NCALD: variants seen among roughly 807,000 people sequenced by gnomAD.
NCALD encodes neurocalcin-delta.
Under a neutral mutation model 18.6 loss-of-function variants are expected in NCALD, and 10 were observed. That is an observed-to-expected ratio of 0.54 (90% CI 0.33 to 0.91). The LOEUF is 0.91. Ranked by LOEUF, NCALD falls within the 40% of genes least tolerant of loss-of-function variation. NCALD has a pLI of 0.03. For missense variants in NCALD, 184 were observed against 247.6 expected, an observed-to-expected ratio of 0.74 and a Z score of 1.72; for synonymous variants, 88 against 87.4, an observed-to-expected ratio of 1.01 and a Z score of -0.04.
chr8:101,797,195 T>C (rs893314567), intron 4 of NCALD, among the ~76,000 whole-genome samples: 65 of 152,350 alleles, frequency 4.3e-4, no homozygotes, highest in African/African-American at 1.3e-3. Context: ...CAAAATAAAC[T>C]TTCTAAATTA....
intron 2 of NCALD, among the ~76,000 whole-genome samples, chr8:102,008,201 G>A (rs1402593289): frequency 6.6e-6 from 1 of 152,092 alleles, no homozygotes; most frequent in Non-Finnish European, 1.5e-5. Context: ...AAATAAATAA[G>A]AGGACCTCCA....
chr8:101,691,629 C>A, intron 3 of NCALD: 1 of 985,352 alleles, frequency 1.0e-6, no homozygotes, highest in Non-Finnish European at 1.2e-6. Context: ...TTAGTCACAA[C>A]TATTCATTGT....
intron 3 of NCALD, among the ~76,000 whole-genome samples, chr8:101,914,674 T>C (rs1279946931): frequency 1.3e-5 from 2 of 152,240 alleles, no homozygotes; most frequent in Admixed American, 6.5e-5. Flanking sequence ...TTCCTTTCTT[T>C]GCTCAAATTT....
At chr8:101,798,580 C>T (rs998835464) in intron 4 of NCALD, among the ~76,000 whole-genome samples, 6 of 152,080 alleles carry the variant, frequency 3.9e-5, no homozygotes, top group African/African-American at 1.4e-4. Context: ...TATCAACTAA[C>T]CTCTAACTGA....
At chr8:101,831,698 C>T (rs1361478655) in intron 4 of NCALD, among the ~76,000 whole-genome samples, 2 of 152,086 alleles carry the variant, frequency 1.3e-5, no homozygotes, top group Non-Finnish European at 2.9e-5. Flanking sequence ...TTTCCTGTGC[C>T]CCCAGCATCT....
At chr8:101,716,452 A>T (rs1816090284) in intron 2 of NCALD, among the ~76,000 whole-genome samples, 1 of 152,236 alleles carries the variant, frequency 6.6e-6, no homozygotes, top group Non-Finnish European at 1.5e-5. Flanking sequence ...CATGTATTTC[A>T]GAACTTCAAG....
At chr8:101,856,851 G>A (rs1017530961) in intron 4 of NCALD, among the ~76,000 whole-genome samples, 21 of 152,066 alleles carry the variant, frequency 1.4e-4, no homozygotes, top group African/African-American at 5.1e-4. Flanking sequence ...GACTCCTTCT[G>A]CTCCTGGCAA....
chr8:101,884,724 G>A (rs955846778), intron 4 of NCALD, among the ~76,000 whole-genome samples: 15 of 136,898 alleles, frequency 1.1e-4, no homozygotes, highest in Non-Finnish European at 1.9e-4. Context: ...GTTTTTCACC[G>A]AATTTATTAG....
At chr8:102,028,730 G>A (rs757558793) in intron 1 of NCALD, among the ~76,000 whole-genome samples, 8 of 152,236 alleles carry the variant, frequency 5.3e-5, no homozygotes, top group African/African-American at 1.4e-4. Context: ...CTTGTGCTAA[G>A]TGACCAGAAA....
At chr8:101,703,820 A>T (rs1306025627) in intron 2 of NCALD, among the ~76,000 whole-genome samples, 1 of 152,198 alleles carries the variant, frequency 6.6e-6, no homozygotes, top group Non-Finnish European at 1.5e-5. Flanking sequence ...GAGCTGTGGC[A>T]GGTCTCCCTC....
intron 4 of NCALD, among the ~76,000 whole-genome samples, chr8:101,836,620 A>G (rs976150489): frequency 1.3e-5 from 2 of 152,224 alleles, no homozygotes; most frequent in African/African-American, 4.8e-5. Context: ...AAAGGATTTT[A>G]TGGCTAAACA....
chr8:101,889,663 A>G (rs1816801333), intron 3 of NCALD, among the ~76,000 whole-genome samples: 1 of 152,236 alleles, frequency 6.6e-6, no homozygotes, highest in Admixed American at 6.5e-5. Flanking sequence ...CCTTGGCTAC[A>G]GCAAAGGAAA....
At chr8:101,948,513 C>T (rs139293839) in intron 2 of NCALD, among the ~76,000 whole-genome samples, 27 of 152,250 alleles carry the variant, frequency 1.8e-4, no homozygotes, top group African/African-American at 6.3e-4. Context: ...CTCTGGGAAC[C>T]AGGAGGGAGA....
intron 1 of NCALD, among the ~76,000 whole-genome samples, chr8:102,123,109 C>A (rs583374): frequency 0.99 from 151,498 of 152,362 alleles, 75,340 homozygotes; most frequent in Middle Eastern, 1. Flanking sequence ...AGCATTTCCA[C>A]TTAGGTCTGA....
chr8:102,037,860 C>T (rs1822924436), intron 1 of NCALD, among the ~76,000 whole-genome samples: 1 of 152,042 alleles, frequency 6.6e-6, no homozygotes, highest in Non-Finnish European at 1.5e-5. Flanking sequence ...ATGAAGAAAA[C>T]AAAAGAGTAA....
chr8:101,888,179 C>G (rs1816742760), intron 3 of NCALD, among the ~76,000 whole-genome samples: 1 of 152,074 alleles, frequency 6.6e-6, no homozygotes, highest in Non-Finnish European at 1.5e-5. Context: ...AAACATCACA[C>G]AGAGAGACAT....
chr8:101,939,824 C>G (rs946109631), intron 2 of NCALD, among the ~76,000 whole-genome samples: 4 of 152,128 alleles, frequency 2.6e-5, no homozygotes, highest in African/African-American at 9.7e-5. Flanking sequence ...TTTGATCCTC[C>G]CAACAATTCC....
At chr8:101,820,549 G>A (rs1041572718) in intron 4 of NCALD, among the ~76,000 whole-genome samples, 10 of 151,908 alleles carry the variant, frequency 6.6e-5, no homozygotes, top group Admixed American at 6.6e-4. Context: ...CTTGGACTAG[G>A]GTTTTATACT....
chr8:101,731,690 A>G (rs1225906199), intron 1 of NCALD, among the ~76,000 whole-genome samples: 1 of 152,188 alleles, frequency 6.6e-6, no homozygotes, highest in African/African-American at 2.4e-5. Flanking sequence ...TTACCTCAAC[A>G]GCACCCTACA....
Sources: gnomAD v4.1 joint callset for allele counts (sites outside exome capture counted in the v4.1 genomes callset) on GRCh38, gnomAD v4.1.1 for gene constraint, MANE v1.5 for transcripts, NCBI Gene and HGNC (gene_info 2026-07-23, HGNC 2026-07-21) for gene names.